Variants in ENTREP2 observed in about 807,000 individuals in gnomAD.
ENTREP2 encodes protein ENTREP2.
the ENTREP2 span, among the ~76,000 whole-genome samples, chr15:29,342,093 C>T: frequency 7.2e-5 from 11 of 152,278 alleles, no homozygotes; most frequent in African/African-American, 2.6e-4. Flanking sequence ...CAACCCTTGG[C>T]CAGGCCGCCA....
At chr15:29,381,455 CAA>C in the ENTREP2 span, among the ~76,000 whole-genome samples, 273 of 44,252 alleles carry the variant, frequency 6.2e-3, 1 homozygote, top group African/African-American at 0.018. Flanking sequence ...GACTCTGTCT[CAA>C]AAAAAAAAAA....
At chr15:29,599,746 T>C in the ENTREP2 span, among the ~76,000 whole-genome samples, 1 of 152,236 alleles carries the variant, frequency 6.6e-6, no homozygotes, top group African/African-American at 2.4e-5. Flanking sequence ...CAAGATGATA[T>C]ATGTTTTAAA....
chr15:29,142,632 A>G, the ENTREP2 span, among the ~76,000 whole-genome samples: 1 of 152,334 alleles, frequency 6.6e-6, no homozygotes, highest in South Asian at 2.1e-4. Context: ...GCAAACCCAC[A>G]GTTACCACGC....
the ENTREP2 span, among the ~76,000 whole-genome samples, chr15:29,330,064 C>CA: frequency 1.3e-5 from 2 of 152,264 alleles, no homozygotes; most frequent in South Asian, 2.1e-4. Context: ...ATCACTCCCT[C>CA]AGTGATCACC....
chr15:29,297,446 G>C, the ENTREP2 span, among the ~76,000 whole-genome samples: 1 of 152,132 alleles, frequency 6.6e-6, no homozygotes, highest in Admixed American at 6.6e-5. Context: ...CAGATAAAGG[G>C]AAATAACAAA....
chr15:29,352,729 C>A, the ENTREP2 span, among the ~76,000 whole-genome samples: 5 of 152,276 alleles, frequency 3.3e-5, no homozygotes, highest in African/African-American at 1.2e-4. Flanking sequence ...CCAGCCAAAC[C>A]GATACTTTTC....
At chr15:29,554,740 A>T in the ENTREP2 span, among the ~76,000 whole-genome samples, 1 of 149,326 alleles carries the variant, frequency 6.7e-6, no homozygotes, top group Admixed American at 6.7e-5. Flanking sequence ...GAGCCAGGGA[A>T]GGGCCCGGGT....
chr15:29,134,303 C>T, the ENTREP2 span, among the ~76,000 whole-genome samples: 3 of 152,244 alleles, frequency 2.0e-5, no homozygotes, highest in Non-Finnish European at 4.4e-5. Context: ...CACCTCCTGA[C>T]TAAAGGATTC....
chr15:29,423,156 G>C, the ENTREP2 span, among the ~76,000 whole-genome samples: 1 of 152,048 alleles, frequency 6.6e-6, no homozygotes, highest in African/African-American at 2.4e-5. Context: ...CTTCAACCCT[G>C]AATAACCCCG....
chr15:29,249,150 G>A, the ENTREP2 span, among the ~76,000 whole-genome samples: 1 of 152,058 alleles, frequency 6.6e-6, no homozygotes, highest in Non-Finnish European at 1.5e-5. Flanking sequence ...CTCTACTACA[G>A]TATAAAAGTT....
At chr15:29,190,757 GA>G in the ENTREP2 span, among the ~76,000 whole-genome samples, 4 of 152,158 alleles carry the variant, frequency 2.6e-5, no homozygotes, top group African/African-American at 7.2e-5. Context: ...AGTAAGTATA[GA>G]TAATCCATAA....
At chr15:29,585,365 A>G in the ENTREP2 span, among the ~76,000 whole-genome samples, 1 of 152,226 alleles carries the variant, frequency 6.6e-6, no homozygotes, top group Admixed American at 6.5e-5. Context: ...AAACCCTCGA[A>G]AAAAAGAAAT....
chr15:29,281,780 G>T, the ENTREP2 span, among the ~76,000 whole-genome samples: 1 of 152,202 alleles, frequency 6.6e-6, no homozygotes, highest in Admixed American at 6.5e-5. Context: ...GACATCTGTA[G>T]ACTAGGGAGT....
At chr15:29,130,974 C>G in the ENTREP2 span, among the ~76,000 whole-genome samples, 1 of 152,146 alleles carries the variant, frequency 6.6e-6, no homozygotes. Flanking sequence ...TGACAGGAGA[C>G]GCTGTGGGAA....
At chr15:29,346,651 T>C in the ENTREP2 span, among the ~76,000 whole-genome samples, 2 of 152,352 alleles carry the variant, frequency 1.3e-5, no homozygotes, top group South Asian at 2.1e-4. Flanking sequence ...TAAACAGCCC[T>C]TTCTGCTGAC....
the ENTREP2 span, among the ~76,000 whole-genome samples, chr15:29,455,980 C>G: frequency 1.3e-5 from 2 of 152,182 alleles, no homozygotes; most frequent in Non-Finnish European, 2.9e-5. Context: ...CTCAGGGCTC[C>G]CACTGATTCT....
the ENTREP2 span, among the ~76,000 whole-genome samples, chr15:29,582,260 C>T: frequency 6.6e-6 from 1 of 152,040 alleles, no homozygotes; most frequent in Admixed American, 6.6e-5. Context: ...TAAGCAAAAA[C>T]AAATAAATAA....
chr15:29,246,670 T>C, the ENTREP2 span, among the ~76,000 whole-genome samples: 1 of 151,584 alleles, frequency 6.6e-6, no homozygotes, highest in African/African-American at 2.4e-5. Flanking sequence ...ATTGCACTCC[T>C]CCAGCCTGGG....
At chr15:29,439,213 T>C in the ENTREP2 span, among the ~76,000 whole-genome samples, 1 of 150,966 alleles carries the variant, frequency 6.6e-6, no homozygotes, top group African/African-American at 2.4e-5. Flanking sequence ...AAGCAGCTGA[T>C]GGTAGGGGCA....
Sources: allele counts gnomAD v4.1 joint callset (sites outside exome capture counted in the v4.1 genomes callset), GRCh38; gene constraint gnomAD v4.1.1; transcripts MANE v1.5; gene names NCBI Gene and HGNC (gene_info 2026-07-23, HGNC 2026-07-21).